Variants in OGFOD3 observed in about 807,000 individuals in gnomAD.
The protein encoded by OGFOD3 is 2-oxoglutarate and iron-dependent oxygenase domain-containing protein 3.
OGFOD3 carries 35 observed loss-of-function variants against 39.8 expected under a neutral mutation model. The observed-to-expected ratio is 0.88, with a 90% CI of 0.67 to 1.17. The LOEUF is 1.17. Ranked by LOEUF, OGFOD3 falls within the 50% of genes most tolerant of loss-of-function variation. The pLI is 0.00. For synonymous variants in OGFOD3, 200 were observed against 192.0 expected (o/e 1.04, Z -0.34); for missense variants, 438 against 454.5 (o/e 0.96, Z 0.33).
chr17:82,398,305 G>A lies in OGFOD3; in HGVS notation c.714C>T (p.Ser238=), dbSNP rs781015492. The A allele has an allele frequency of 2.4e-5, 39 of 1,614,048 alleles. No homozygotes were observed. The highest frequency in any genetic ancestry group is 1.6e-4 in the Middle Eastern group (1 of 6,082). ...GGTACAGCAGCGAGGTGTAGTCGAA[G>A]GAGCCGTAGGTCACCTGAGGGCAGA... ...HAHVDKVTYG[S]FDYTSLLYLS... The change falls in exon 8 of 9, where the codon TCC becomes TCT. Residue 238 remains serine, a synonymous_variant. Transcript: ENST00000313056.
rs962612076 is a variant in OGFOD3, at chr17:82,403,831, C to T, written c.699+106G>A. The T allele has an allele frequency of 6.8e-6, 10 of 1,462,878 alleles. No homozygotes were observed. The African/African-American group carries it at 1.4e-4, about 20-fold the overall frequency. The allele number at this position is 1,462,878 out of a possible 1,614,324, so 90.6% of individuals were successfully genotyped here. A position where few individuals can be genotyped will look rare whatever the true frequency, so the allele number is the denominator to read the frequency against. On this transcript the variant is annotated intron_variant, in intron 7 of 8. Coordinates refer to ENST00000313056, the MANE Select transcript of OGFOD3 (RefSeq NM_024648.3). ...CTCACCCTGCCCACGGGCACGCTCA[C>T]CTTGTCCACGAGCGCGCTCACCCTG...
rs757472244 is a variant in OGFOD3, at chr17:82,415,507, C to A, written c.195G>T (p.Gly65=). The change falls in exon 2 of 9, where the codon GGG becomes GGT. Residue 65 remains glycine (G), a synonymous_variant. Transcript: ENST00000313056. The surrounding 1 kb of genome is among the most constrained non-coding windows in gnomAD (Gnocchi z 5.3). ...GGACCTCTGCGACCCCGTCGTCGGC[C>A]CCCAAGCTGCTCCAGAGCAGGAGTG... is the stretch of plus-strand genomic sequence containing the variant. ...LTALLLWSSL[G]ADDGVAEVLA... is the part of the protein sequence containing the mutation. 1 of 1,613,716 alleles carries A rather than the reference C, an allele frequency of 6.2e-7. No individual in the cohort carries two copies. The highest frequency in any genetic ancestry group is 1.1e-5 in the South Asian group (1 of 91,078).
Position 82,404,118 on chromosome 17 carries a change from C to A in OGFOD3, c.546-28G>T. 1.3e-6 allele frequency: 2 copies of A among 1,543,992 alleles called. No individual in the cohort carries two copies. Among genetic ancestry groups the A allele is most frequent in the Non-Finnish European group, 8.8e-7 (1 of 1,141,348 alleles). ...GCAGAGGACACAATAGCCGTCAGCG[C>A]AGCCCCAGGCGGGAGGGGACGCTCG... On this transcript the variant is annotated intron_variant, in intron 6 of 8. Coordinates refer to ENST00000313056, the MANE Select transcript of OGFOD3 (RefSeq NM_024648.3). This position sits in a 1 kb window ranked among gnomAD's most constrained non-coding sequence, Gnocchi z 4.5.
In OGFOD3 at chr17:82,404,889, C is replaced by T. The variant is rs1276145803; in HGVS notation, c.545+435G>A. ...CGGGGTAGCTGGGATTACAGGCACC[C>T]GCCACCGCACCCAACTAATTTTTGT... On this transcript the variant is annotated intron_variant, in intron 6 of 8. Transcript: ENST00000313056. The surrounding 1 kb of genome is among the most constrained non-coding windows in gnomAD (Gnocchi z 4.5). 1.3e-5 allele frequency among the ~76,000 whole-genome samples: 2 copies of T among 151,594 alleles called. No homozygotes were observed. Among genetic ancestry groups the T allele is most frequent in the Admixed American group, 6.6e-5 (1 of 15,248 alleles).
chr17:82,413,890 A>AAG (rs1555613621), intron 2 of OGFOD3, among the ~76,000 whole-genome samples: 8 of 151,626 alleles, frequency 5.3e-5, no homozygotes, highest in African/African-American at 9.7e-5. Context: ...AAAAAAAAAA[A>AAG]AAGAAGAAAG....
At chr17:82,403,771 T>G (rs1371538253) in intron 7 of OGFOD3, 166 bp downstream of exon 7, 2 of 876,134 alleles carry the variant, frequency 2.3e-6, no homozygotes, top group Non-Finnish European at 3.5e-6. Context: ...GCGCTCACCC[T>G]GCCCACGTGC....
chr17:82,397,564 A>ACTCCC (rs2052695932), intron 8 of OGFOD3, among the ~76,000 whole-genome samples: 1 of 151,784 alleles, frequency 6.6e-6, no homozygotes, highest in Non-Finnish European at 1.5e-5. Context: ...GGGGTTCCCC[A>ACTCCC]CTCCCCACAC....
intron 8 of OGFOD3, chr17:82,394,295 T>C (rs1245004218): frequency 5.3e-6 from 8 of 1,496,774 alleles, no homozygotes; most frequent in African/African-American, 2.8e-5. Context: ...CGGCCTAAGA[T>C]GCACTTTCTT....
rs1443504999 is a variant in OGFOD3 at position 82,411,311 on chromosome 17, T to A, written c.380+144A>T. ...ATCTGCCCGCCTCAGCCTCCCCAAG[T>A]GCTGGGATTACAGGCGTGAGCCACC... On this transcript the variant is annotated intron_variant, in intron 3 of 8. Transcript: ENST00000313056. 7.3e-6 allele frequency: 5 copies of A among 685,328 alleles called. No homozygotes were observed. The African/African-American group carries it at 9.0e-5, about 12-fold the overall frequency. 42.5% of individuals were successfully genotyped at this position (685,328 alleles called of 1,614,324 possible).
intron 4 of OGFOD3, among the ~76,000 whole-genome samples, chr17:82,408,627 T>C (rs1253006866): frequency 6.6e-6 from 1 of 151,442 alleles, no homozygotes; most frequent in Non-Finnish European, 1.5e-5. Context: ...CCAGGGGAGG[T>C]CCTGCCCGCC....
At chr17:82,405,191 A>C in intron 6 of OGFOD3, 133 bp downstream of exon 6, 1 of 724,464 alleles carries the variant, frequency 1.4e-6, no homozygotes, top group East Asian at 2.6e-5. Flanking sequence ...GCTCCATGAG[A>C]ACTCACTTCT....
intron 3 of OGFOD3, 67 bp from the exon 4 acceptor site, chr17:82,409,477 G>A (rs7211306): frequency 0.35 from 504,205 of 1,461,244 alleles, 98,531 homozygotes; most frequent in East Asian, 0.91. Context: ...CTAGGCAAAC[G>A]TCAATCAGCA....
chr17:82,397,564 A>T (rs899537145), intron 8 of OGFOD3, among the ~76,000 whole-genome samples: 4 of 151,784 alleles, frequency 2.6e-5, no homozygotes, highest in African/African-American at 9.7e-5. Context: ...GGGGTTCCCC[A>T]CTCCCCACAC....
intron 2 of OGFOD3, among the ~76,000 whole-genome samples, chr17:82,414,553 TAAGA>T (rs1223725359): frequency 6.6e-6 from 1 of 152,232 alleles, no homozygotes; most frequent in Non-Finnish European, 1.5e-5. Context: ...GAACTTCTGC[TAAGA>T]AAGAGAGAGC....
chr17:82,395,433 C>T (rs1298129580), intron 8 of OGFOD3, among the ~76,000 whole-genome samples: 1 of 152,090 alleles, frequency 6.6e-6, no homozygotes, highest in Non-Finnish European at 1.5e-5. Flanking sequence ...AGTCACTGGA[C>T]CTAAAGGTGG....
chr17:82,399,267 A>G (rs1356962862), intron 7 of OGFOD3, among the ~76,000 whole-genome samples: 2 of 152,182 alleles, frequency 1.3e-5, no homozygotes, highest in African/African-American at 4.8e-5. Context: ...ATTTCCTGTA[A>G]GCTCAGATGT....
At chr17:82,407,327 G>A (rs1435076147) in intron 4 of OGFOD3, among the ~76,000 whole-genome samples, 4 of 152,028 alleles carry the variant, frequency 2.6e-5, no homozygotes, top group Non-Finnish European at 5.9e-5. Flanking sequence ...AAAGAATGGT[G>A]GCACGTGTGG....
Position 82,413,009 on chromosome 17 carries a change from G to C in OGFOD3, c.305-1479C>G, listed in dbSNP as rs568419300. ...CGAGATGACCTTGGTTCCTTTCTCT[G>C]GGCCTTGTGCCAGGAGATAAACAGA... On this transcript the variant is annotated intron_variant, in intron 2 of 8. Transcript: ENST00000313056. Among the ~76,000 whole-genome samples the C allele has an allele frequency of 2.2e-3, 335 of 152,312 alleles. 1 individual carries two copies. Among genetic ancestry groups the C allele is most frequent in the African/African-American group, 7.7e-3 (322 of 41,566 alleles).
chr17:82,412,211 C>T (rs981271012), intron 2 of OGFOD3, among the ~76,000 whole-genome samples: 1 of 152,170 alleles, frequency 6.6e-6, no homozygotes, highest in Non-Finnish European at 1.5e-5. Flanking sequence ...TGTCTCTCCC[C>T]GTACCTTGGT....
Sources: allele counts gnomAD v4.1 joint callset (sites outside exome capture counted in the v4.1 genomes callset), GRCh38; gene constraint gnomAD v4.1.1; non-coding constraint Gnocchi (gnomAD v3.1); transcripts MANE v1.5; gene names NCBI Gene and HGNC (gene_info 2026-07-23, HGNC 2026-07-21).